Variants in COQ8B observed in about 807,000 individuals in gnomAD.
COQ8B encodes the protein coenzyme Q8B.
COQ8B carries 44 observed loss-of-function variants against 62.0 expected under a neutral mutation model. The observed-to-expected ratio is 0.71, with a 90% CI of 0.56 to 0.91. COQ8B has a LOEUF of 0.91. Ranked by LOEUF, COQ8B falls within the 40% of genes least tolerant of loss-of-function variation. The pLI, the probability that COQ8B is intolerant of heterozygous loss-of-function variation, is 0.00. For missense variants in COQ8B, 649 were observed against 731.6 expected, an observed-to-expected ratio of 0.89 and a Z score of 1.30; for synonymous variants, 252 against 289.9, an observed-to-expected ratio of 0.87 and a Z score of 1.33.
At chr19:40,700,241 G>A (rs1423919991) in intron 11 of COQ8B, 67 bp from the exon 12 acceptor site, 3 of 1,611,934 alleles carry the variant, frequency 1.9e-6, no homozygotes, top group Non-Finnish European at 2.5e-6. Flanking sequence ...CTGGCCTGGA[G>A]AGAGACCATG....
chr19:40,695,976 G>A lies in COQ8B; in HGVS notation c.1209+13C>T, dbSNP rs1490828801. The A allele has an allele frequency of 2.5e-6, 4 of 1,613,714 alleles. No homozygotes were observed. Among genetic ancestry groups the A allele is most frequent in the Admixed American group, 1.7e-5 (1 of 59,978 alleles). ...CAGCCTTTCAGAGGCCCTGGGGTCTGGGGGAGACTCACCTCGATGTAATGG... is the reference window on the plus strand; with the variant it reads ...CAGCCTTTCAGAGGCCCTGGGGTCTAGGGGAGACTCACCTCGATGTAATGG... On this transcript the variant is annotated intron_variant, in intron 13 of 14. Coordinates refer to ENST00000324464, the MANE Select transcript of COQ8B (RefSeq NM_024876.4).
At chr19:40,695,893 A>G (rs2082011082) in intron 13 of COQ8B, 96 bp downstream of exon 13, 2 of 1,254,976 alleles carry the variant, frequency 1.6e-6, no homozygotes, top group South Asian at 2.4e-5. Context: ...TTATTTCTTA[A>G]TTCCAGAAAC....
At chr19:40,704,566 G>C (rs888023585) in intron 7 of COQ8B, 89 of 154,614 alleles carry the variant, frequency 5.8e-4, no homozygotes, top group Non-Finnish European at 1.7e-4. Context: ...GAGTGGCCCA[G>C]AGAGAGGCAG....
rs1016624912 is a variant in COQ8B, at chr19:40,716,871, C to A, written c.-288G>T. On this transcript the variant is annotated 5_prime_UTR_variant, in exon 1 of 15. Coordinates refer to ENST00000324464, the MANE Select transcript of COQ8B (RefSeq NM_024876.4). ...TGCCCTAGATGCATACCTGGCCGCG[C>A]TTCGGATGCTCAGAGGCAAACCCCC... The A allele has an allele frequency of 8.4e-6, 2 of 237,648 alleles. No homozygotes were observed. The highest frequency in any genetic ancestry group is 4.5e-5 in the African/African-American group (2 of 44,082). 14.7% of individuals were successfully genotyped at this position (237,648 alleles called of 1,614,324 possible).
At chr19:40,711,131 CA>C (rs10586544) in intron 4 of COQ8B, among the ~76,000 whole-genome samples, 46,863 of 134,080 alleles carry the variant, frequency 0.35, 9,181 homozygotes, top group African/African-American at 0.58. Context: ...AACTCCGTCT[CA>C]AAAAAAAAAA....
At chr19:40,695,326 A>AAAAAAAAAGAAAAG (rs1555755676) in intron 13 of COQ8B, among the ~76,000 whole-genome samples, 33 of 141,902 alleles carry the variant, frequency 2.3e-4, no homozygotes, top group Non-Finnish European at 3.5e-4. Context: ...TCAATTAAAA[A>AAAAAAAAAGAAAAG]AAAAAAAAAG....
At position 40,715,077 on chromosome 19, in the gene COQ8B, G is replaced by T. The variant is rs534689599; in HGVS notation, c.-3-442C>A. On this transcript the variant is annotated intron_variant, in intron 1 of 14. Coordinates refer to ENST00000324464, the MANE Select transcript of COQ8B (RefSeq NM_024876.4). ...CCCACTGCTCTCAGCCTCCGAGTCC[G>T]CAACCTGCTGGGGCCCTCCTGTGCT... The T allele has an allele frequency of 5.1e-6, 5 of 984,398 alleles. No individual in the cohort carries two copies. The East Asian group carries it at 4.8e-4, about 95-fold the overall frequency. 61.0% of individuals were successfully genotyped at this position (984,398 alleles called of 1,614,324 possible). A position where few individuals can be genotyped will look rare whatever the true frequency, so the allele number is the denominator to read the frequency against.
At position 40,692,948 on chromosome 19, in the gene COQ8B, C is replaced by G. The variant is rs771782462; in HGVS notation, c.1296+3G>C. 1 of 1,613,796 alleles carries G rather than the reference C, an allele frequency of 6.2e-7. No individual in the cohort carries two copies. Among genetic ancestry groups the G allele is most frequent in the Non-Finnish European group, 8.5e-7 (1 of 1,179,794 alleles). On this transcript the variant is annotated splice_donor_region_variant and intron_variant, in intron 14 of 14. Coordinates refer to ENST00000324464, the MANE Select transcript of COQ8B (RefSeq NM_024876.4). ...GCCCCTTTCTCCCCCAGTGTCTCCC[C>G]ACCTTGGTTTCAAAGCCTGTGAGGA...
chr19:40,710,987 C>T (rs1050772630), intron 4 of COQ8B, among the ~76,000 whole-genome samples: 3 of 151,902 alleles, frequency 2.0e-5, no homozygotes, highest in African/African-American at 4.8e-5. Context: ...CAAAATCAGC[C>T]GGGCGTGGTG....
At chr19:40,712,428 A>C (rs2082149512) in intron 4 of COQ8B, among the ~76,000 whole-genome samples, 9 of 151,348 alleles carry the variant, frequency 5.9e-5, no homozygotes, top group Admixed American at 5.9e-4. Context: ...AAAAAAAAAA[A>C]ACAACAAAAA....
intron 12 of COQ8B, among the ~76,000 whole-genome samples, chr19:40,697,875 G>GAGAGAGAGAGAGAGAGAGAGGGAC (rs58313890): frequency 3.9e-5 from 4 of 103,470 alleles, no homozygotes; most frequent in African/African-American, 1.7e-4. Flanking sequence ...GAGAGAGAGA[G>GAGAGAGAGAGAGAGAGAGAGGGAC]AGTTTCTACT....
Position 40,692,288 on chromosome 19 carries a change from TC to T in COQ8B, c.1381del (p.Glu461LysfsTer?). 6.2e-7 allele frequency: 1 copy of T among 1,613,498 alleles called. No homozygotes were observed. The highest frequency in any genetic ancestry group is 8.5e-7 in the Non-Finnish European group (1 of 1,179,784). On this transcript the variant is annotated frameshift_variant, in exon 15 of 15. Coordinates refer to ENST00000324464, the MANE Select transcript of COQ8B (RefSeq NM_024876.4). LOFTEE classifies it low-confidence loss of function (END_TRUNC). ...GAGGTCCTGTATGCGGCGGGCCGTT[TC>T]CCCCGACCCAAAGTCATAAGGGCCC... Reference protein sequence around the residue: ...TQGPYDFGSGETARRIQDLIP... With the variant: ...TQGPYDFGSGXTARRIQDLIP...
At chr19:40,699,880 G>A (rs561515341) in intron 12 of COQ8B, among the ~76,000 whole-genome samples, 187 bp downstream of exon 12, 16 of 152,304 alleles carry the variant, frequency 1.1e-4, no homozygotes, top group African/African-American at 3.6e-4. Flanking sequence ...GAAGCAGAGC[G>A]TTGCAAGGCC....
intron 7 of COQ8B, 133 bp downstream of exon 7, chr19:40,704,963 G>C: frequency 1.2e-6 from 1 of 833,146 alleles, no homozygotes; most frequent in Non-Finnish European, 1.8e-6. Flanking sequence ...TGTGTACTCT[G>C]GTGATTCCCA....
chr19:40,703,412 G>C (rs771751910), intron 9 of COQ8B, 129 bp downstream of exon 9: 4 of 962,552 alleles, frequency 4.2e-6, no homozygotes, highest in Non-Finnish European at 6.0e-6. Flanking sequence ...TGTCCTTTCT[G>C]TCTCTGACAC....
intron 1 of COQ8B, chr19:40,715,201 G>T (rs2082176593): frequency 2.0e-6 from 2 of 984,784 alleles, no homozygotes; most frequent in Non-Finnish European, 2.4e-6. Flanking sequence ...GTGCGCGGGG[G>T]AAGGGGCCAG....
intron 4 of COQ8B, among the ~76,000 whole-genome samples, chr19:40,713,409 T>C (rs1021147386): frequency 2.0e-5 from 3 of 151,976 alleles, no homozygotes; most frequent in African/African-American, 7.3e-5. Flanking sequence ...TAGCCGGGTG[T>C]GGTGGATGCA....
At chr19:40,693,508 AC>A (rs1037385762) in intron 13 of COQ8B, among the ~76,000 whole-genome samples, 5 of 152,156 alleles carry the variant, frequency 3.3e-5, no homozygotes, top group African/African-American at 1.2e-4. Context: ...CCCTGGGTGA[AC>A]CTTGCTTTAG....
Position 40,714,604 on chromosome 19 carries a change from C to A in COQ8B, c.29G>T (p.Arg10Leu). 3.7e-6 allele frequency: 6 copies of A among 1,611,164 alleles called. No homozygotes were observed. Among genetic ancestry groups the A allele is most frequent in the Non-Finnish European group, 4.2e-6 (5 of 1,178,662 alleles). Residue 10 changes from arginine to leucine, a missense_variant, in exon 2 of 15, where the codon CGG becomes CTG. Physicochemically the swap from Arg to Leu is moderately radical, Grantham distance 102. Transcript: ENST00000324464. MWLKVGGLL[R>L]GTGGQLGQTV... ...CTGGCCCAGCTGTCCACCGGTCCCCCGAAGTAGGCCCCCCACCTTCAGCCA... is the reference window on the plus strand; with the variant it reads ...CTGGCCCAGCTGTCCACCGGTCCCCAGAAGTAGGCCCCCCACCTTCAGCCA...
Sources: gnomAD v4.1 joint callset for allele counts (sites outside exome capture counted in the v4.1 genomes callset) on GRCh38, gnomAD v4.1.1 for gene constraint, MANE v1.5 for transcripts, NCBI Gene and HGNC (gene_info 2026-07-23, HGNC 2026-07-21) for gene names.